EYS: variants seen among roughly 807,000 people sequenced by gnomAD.
EYS encodes protein eyes shut homolog.
A neutral mutation model predicts 282.1 loss-of-function variants in EYS; 250 were observed. The ratio of observed to expected loss-of-function variants is 0.89; its 90% CI spans 0.80 to 0.98. The LOEUF (loss-of-function observed/expected upper bound fraction) is 0.98. Ranked by LOEUF, EYS falls within the 50% of genes least tolerant of loss-of-function variation. The pLI, the probability that EYS is intolerant of heterozygous loss-of-function variation, is 0.00. For missense variants in EYS, 4,016 were observed against 3,709.0 expected (o/e 1.08, Z -2.15); for synonymous variants, 1,355 against 1,282.9 (o/e 1.06, Z -1.20).
chr6:65,378,417 C>T (rs878934860), intron 8 of EYS, among the ~76,000 whole-genome samples: 11 of 152,100 alleles, frequency 7.2e-5, no homozygotes, highest in African/African-American at 2.2e-4. Flanking sequence ...GAAATAGGAA[C>T]GCTTTTACAC....
chr6:63,875,472 A>G (rs1353950231), intron 35 of EYS, among the ~76,000 whole-genome samples: 1 of 152,050 alleles, frequency 6.6e-6, no homozygotes, highest in Non-Finnish European at 1.5e-5. Flanking sequence ...GTATCAGGAT[A>G]ATGTTGGCCT....
chr6:65,340,192 T>G (rs1187698366), intron 10 of EYS, among the ~76,000 whole-genome samples: 1 of 151,152 alleles, frequency 6.6e-6, no homozygotes, highest in African/African-American at 2.4e-5. Flanking sequence ...ACTCTTCTAC[T>G]TTGTTTGAAA....
chr6:65,318,825 A>G (rs1002677565), intron 11 of EYS, among the ~76,000 whole-genome samples: 1 of 149,770 alleles, frequency 6.7e-6, no homozygotes, highest in Non-Finnish European at 1.5e-5. Context: ...AATCTTTAGT[A>G]GAGACGGGGT....
chr6:65,283,357 T>TATCA (rs1469390586), intron 12 of EYS, among the ~76,000 whole-genome samples: 2 of 152,050 alleles, frequency 1.3e-5, no homozygotes, highest in Non-Finnish European at 2.9e-5. Context: ...CAAATGATAA[T>TATCA]ATCAGTTGTT....
intron 14 of EYS, among the ~76,000 whole-genome samples, chr6:64,957,628 A>G (rs1769755409): frequency 6.6e-6 from 1 of 152,228 alleles, no homozygotes; most frequent in African/African-American, 2.4e-5. Flanking sequence ...CAACAGATGA[A>G]TGCTTGAAGG....
At chr6:64,068,627 G>A (rs1771463442) in intron 32 of EYS, among the ~76,000 whole-genome samples, 1 of 151,644 alleles carries the variant, frequency 6.6e-6, no homozygotes, top group African/African-American at 2.4e-5. Context: ...TGCAGTTTGT[G>A]CACATGTACC....
chr6:64,711,519 G>T (rs759425699), intron 22 of EYS, among the ~76,000 whole-genome samples: 2 of 152,164 alleles, frequency 1.3e-5, no homozygotes, highest in Admixed American at 6.5e-5. Context: ...CTATGACCAT[G>T]ACCATTAACC....
At chr6:65,191,401 A>G (rs1765638293) in intron 12 of EYS, among the ~76,000 whole-genome samples, 1 of 151,900 alleles carries the variant, frequency 6.6e-6, no homozygotes, top group African/African-American at 2.4e-5. Flanking sequence ...TTTAGACCAC[A>G]GTAACAGCCA....
chr6:65,697,125 T>C (rs1007567939), intron 1 of EYS, among the ~76,000 whole-genome samples: 1 of 152,020 alleles, frequency 6.6e-6, no homozygotes, highest in Non-Finnish European at 1.5e-5. Context: ...ATAATGATAA[T>C]TCACTTTGGA....
chr6:64,515,191 A>G (rs1417533495), intron 26 of EYS, among the ~76,000 whole-genome samples: 1 of 151,730 alleles, frequency 6.6e-6, no homozygotes, highest in East Asian at 1.9e-4. Context: ...GTAATAATAT[A>G]GGCAAAATAC....
In EYS at chr6:64,481,889, G is replaced by A. The variant is rs543791179; in HGVS notation, c.5645-42537C>T. Among the ~76,000 whole-genome samples, 23 of 151,766 alleles carry A rather than the reference G, an allele frequency of 1.5e-4. 1 individual carries two copies. In the South Asian group the frequency reaches 4.8e-3, roughly 31 times the overall value. ...CTGTTCTCTATATTTAAGGATTTAA[G>A]TGTGATTTAATGTTTTATTAGTCAG... On this transcript the variant is annotated intron_variant, in intron 26 of 42. Transcript: ENST00000503581.
intron 5 of EYS, among the ~76,000 whole-genome samples, chr6:65,414,113 A>T (rs1767135130): frequency 6.6e-6 from 1 of 152,174 alleles, no homozygotes; most frequent in South Asian, 2.1e-4. Flanking sequence ...TAAATGAATA[A>T]ATAAAGAGCA....
intron 31 of EYS, among the ~76,000 whole-genome samples, chr6:64,096,626 A>C (rs1225010848): frequency 6.6e-6 from 1 of 151,986 alleles, no homozygotes; most frequent in African/African-American, 2.4e-5. Context: ...ACTTCTCTGC[A>C]TTGGTTATTC....
intron 12 of EYS, among the ~76,000 whole-genome samples, chr6:65,125,820 G>C (rs1775702269): frequency 6.6e-6 from 1 of 152,034 alleles, no homozygotes; most frequent in South Asian, 2.1e-4. Context: ...CTTGCTTTTA[G>C]GCCAATTTAG....
At chr6:64,860,491 A>C (rs1316118733) in intron 19 of EYS, among the ~76,000 whole-genome samples, 1 of 152,174 alleles carries the variant, frequency 6.6e-6, no homozygotes, top group Non-Finnish European at 1.5e-5. Context: ...TGTGGTTGTG[A>C]CTGGGCCAGA....
At chr6:63,778,480 ATATAATAT>A (rs1036097240) in intron 39 of EYS, among the ~76,000 whole-genome samples, 7 of 152,162 alleles carry the variant, frequency 4.6e-5, no homozygotes, top group Non-Finnish European at 1.0e-4. Flanking sequence ...GCTGTAGAAA[ATATAATAT>A]TATACCAAAA....
intron 19 of EYS, among the ~76,000 whole-genome samples, chr6:64,831,099 C>A (rs1210224978): frequency 6.6e-6 from 1 of 151,962 alleles, no homozygotes; most frequent in Non-Finnish European, 1.5e-5. Flanking sequence ...CTTCTCTTTC[C>A]CCTCGCAGGC....
intron 29 of EYS, among the ~76,000 whole-genome samples, chr6:64,345,478 T>A (rs982527602): frequency 6.6e-6 from 1 of 152,086 alleles, no homozygotes; most frequent in Non-Finnish European, 1.5e-5. Context: ...TAAATGGTGC[T>A]GGGAAAACTG....
At chr6:65,648,697 C>A (rs1485678509) in intron 1 of EYS, among the ~76,000 whole-genome samples, 5 of 128,884 alleles carry the variant, frequency 3.9e-5, no homozygotes, top group Non-Finnish European at 7.2e-5. Flanking sequence ...TCCCCAAACA[C>A]CTATTGAAAT....
Sources: gnomAD v4.1 joint callset for allele counts (sites outside exome capture counted in the v4.1 genomes callset) on GRCh38, gnomAD v4.1.1 for gene constraint, MANE v1.5 for transcripts, NCBI Gene and HGNC (gene_info 2026-07-23, HGNC 2026-07-21) for gene names.